Variants in C16orf96 observed in about 807,000 individuals in gnomAD.
The protein encoded by C16orf96 is uncharacterized protein C16orf96.
In C16orf96, 108 loss-of-function variants were observed where a neutral mutation model predicts 103.6. The observed-to-expected ratio is 1.04, with a 90% CI of 0.89 to 1.22. The LOEUF (loss-of-function observed/expected upper bound fraction) is 1.22. Among genes scored for constraint, C16orf96 ranks in the 50% most tolerant of loss-of-function variants. C16orf96 has a pLI of 0.00. For synonymous variants in C16orf96, 566 were observed against 593.5 expected (o/e 0.95, Z 0.67); for missense variants, 1,586 against 1,464.2 (o/e 1.08, Z -1.36).
At chr16:4,555,499 A>C (rs963782515), upstream of C16orf96, among the ~76,000 whole-genome samples, 3 of 151,062 alleles carry the variant, frequency 2.0e-5, no homozygotes, top group Non-Finnish European at 4.4e-5. Flanking sequence ...CAGCCTCCAG[A>C]GTAGCTGGGA....
rs558135189 is a variant in C16orf96, at chr16:4,574,930, C to A, written c.607-42C>A. 2.6e-6 allele frequency: 4 copies of A among 1,540,262 alleles called. No homozygotes were observed. In the East Asian group the frequency reaches 9.8e-5, roughly 38 times the overall value. On this transcript the variant is annotated intron_variant, in intron 3 of 15. Transcript: ENST00000444310. ...TTTGCAGGTGTGGGGGACACTGCCC[C>A]CTCCAGGCTCACAGCCCTCATTTTC...
intron 1 of C16orf96, among the ~76,000 whole-genome samples, chr16:4,564,187 A>C (rs2059363237): frequency 6.6e-6 from 1 of 151,902 alleles, no homozygotes; most frequent in South Asian, 2.1e-4. Flanking sequence ...GAAGAAGAAA[A>C]GATTAGTGGT....
At chr16:4,560,451 T>G (rs55640233) in intron 1 of C16orf96, 1 of 152,072 alleles carries the variant, frequency 6.6e-6, no homozygotes. Context: ...CCACCCGCCT[T>G]GGCCTCCCAA....
Position 4,575,954 on chromosome 16 carries a change from A to G in C16orf96, c.1474A>G (p.Arg492Gly), listed in dbSNP as rs2059501249. Residue 492 changes from arginine to glycine, a missense_variant, in exon 5 of 16, where the codon AGA becomes GGA. Coordinates refer to ENST00000444310, the MANE Select transcript of C16orf96 (RefSeq NM_001145011.2). ...RTRKDGVPKD[R>G]GGKDVDPKDR... is the part of the protein sequence containing the mutation. The stretch of plus-strand genomic sequence containing the variant: ...TCGCAAGGATGGGGTCCCCAAAGAT[A>G]GAGGTGGCAAGGATGTGGACCCCAA... 6.5e-7 allele frequency: 1 copy of G among 1,549,802 alleles called. No individual in the cohort carries two copies. Among genetic ancestry groups the G allele is most frequent in the Non-Finnish European group, 8.7e-7 (1 of 1,146,126 alleles).
At chr16:4,579,447 G>A (rs986701865) in intron 6 of C16orf96, among the ~76,000 whole-genome samples, 2 of 151,304 alleles carry the variant, frequency 1.3e-5, no homozygotes, top group East Asian at 3.9e-4. Context: ...CCAACTACTC[G>A]GGAGGCTGAG....
intron 7 of C16orf96, among the ~76,000 whole-genome samples, chr16:4,583,137 C>T (rs1377223911): frequency 6.6e-6 from 1 of 152,110 alleles, no homozygotes; most frequent in Non-Finnish European, 1.5e-5. Context: ...ACTCGGGAGG[C>T]TGAGGCAGGA....
intron 9 of C16orf96, among the ~76,000 whole-genome samples, chr16:4,590,625 C>T (rs534925123): frequency 3.6e-4 from 55 of 152,066 alleles, no homozygotes; most frequent in African/African-American, 1.2e-3. Flanking sequence ...TGGCTCACAC[C>T]TGTAATCCCA....
intron 9 of C16orf96, among the ~76,000 whole-genome samples, 174 bp from the exon 10 acceptor site, chr16:4,591,491 AG>A (rs1897058065): frequency 6.6e-6 from 1 of 152,108 alleles, no homozygotes; most frequent in South Asian, 2.1e-4. Flanking sequence ...AGCATCTAGT[AG>A]GGGTTGAGCC....
At chr16:4,599,573 G>A (rs1447545853) in intron 15 of C16orf96, among the ~76,000 whole-genome samples, 2 of 152,162 alleles carry the variant, frequency 1.3e-5, no homozygotes, top group African/African-American at 4.8e-5. Flanking sequence ...TGTCCCCAGC[G>A]TCCACCCAGC....
chr16:4,564,534 G>T (rs1479769149), intron 1 of C16orf96, among the ~76,000 whole-genome samples: 3 of 152,156 alleles, frequency 2.0e-5, no homozygotes, highest in Non-Finnish European at 4.4e-5. Flanking sequence ...TTTAAGGCTG[G>T]GCGTGGTGGT....
chr16:4,564,359 G>T (rs2059365141), intron 1 of C16orf96, among the ~76,000 whole-genome samples: 1 of 152,116 alleles, frequency 6.6e-6, no homozygotes, highest in Non-Finnish European at 1.5e-5. Flanking sequence ...TGCATGCACT[G>T]GGTCCAGGAA....
Position 4,570,152 on chromosome 16 carries a change from T to G in C16orf96, c.421-1409T>G, listed in dbSNP as rs1310080719. ...ATTACGGAGACGGGATCTCACTATG[T>G]TGCCCAGGCTGGTCTGGAACTCCTG... On this transcript the variant is annotated intron_variant, in intron 1 of 15. Transcript: ENST00000444310. 1.1e-4 allele frequency among the ~76,000 whole-genome samples: 16 copies of G among 152,302 alleles called. No homozygotes were observed. In the South Asian group the frequency reaches 2.5e-3, roughly 24 times the overall value.
At chr16:4,599,145 A>G in intron 14 of C16orf96, 139 bp from the exon 15 acceptor site, 1 of 667,518 alleles carries the variant, frequency 1.5e-6, no homozygotes, top group Non-Finnish European at 2.6e-6. Context: ...AACATTGATT[A>G]TCCCATAAAG....
At chr16:4,548,678 G>C in the C16orf96 span, among the ~76,000 whole-genome samples, 1 of 152,108 alleles carries the variant, frequency 6.6e-6, no homozygotes, top group African/African-American at 2.4e-5. Context: ...TTTGAGACCA[G>C]CCTGGCCAAC....
rs1262151483 is a variant in C16orf96 at position 4,575,509 on chromosome 16, G to A, written c.1029G>A (p.Glu343=). ...EPVPGLELGL[E]LEPVPALGPV... ...TGCCAGGACTGGAGCTGGGGCTGGA[G>A]CTGGAGCCTGTGCCTGCCCTGGGGC... Residue 343 remains glutamate (E), a synonymous_variant, in exon 5 of 16, where the codon GAG becomes GAA. Coordinates refer to ENST00000444310, the MANE Select transcript of C16orf96 (RefSeq NM_001145011.2). 1.3e-6 allele frequency: 2 copies of A among 1,546,814 alleles called. No homozygotes were observed. Among genetic ancestry groups the A allele is most frequent in the African/African-American group, 1.4e-5 (1 of 73,164 alleles).
chr16:4,557,678 AT>A (rs1032572358), intron 1 of C16orf96, among the ~76,000 whole-genome samples: 12 of 151,038 alleles, frequency 7.9e-5, no homozygotes, highest in African/African-American at 2.7e-4. Flanking sequence ...TTTCACCCCA[AT>A]TTTTTTTTGA....
At chr16:4,580,149 A>G in intron 7 of C16orf96, 24 bp downstream of exon 7, 1 of 1,464,236 alleles carries the variant, frequency 6.8e-7, no homozygotes, top group Non-Finnish European at 9.1e-7. Flanking sequence ...GGTAGGCTGG[A>G]GAAGGGCTGG....
chr16:4,543,147 G>T, the C16orf96 span, among the ~76,000 whole-genome samples: 1 of 152,162 alleles, frequency 6.6e-6, no homozygotes, highest in African/African-American at 2.4e-5. Flanking sequence ...GGGAGTGCCC[G>T]AACAAGGAAG....
At chr16:4,572,400 C>T (rs1404998604) in intron 2 of C16orf96, among the ~76,000 whole-genome samples, 2 of 148,230 alleles carry the variant, frequency 1.3e-5, no homozygotes, top group East Asian at 2.0e-4. Flanking sequence ...CCCGGGTTCA[C>T]GCCATTCTCC....
Sources: allele counts gnomAD v4.1 joint callset (sites outside exome capture counted in the v4.1 genomes callset), GRCh38; gene constraint gnomAD v4.1.1; transcripts MANE v1.5; gene names NCBI Gene and HGNC (gene_info 2026-07-23, HGNC 2026-07-21).